GLIS3: variants seen among roughly 807,000 people sequenced by gnomAD.
GLIS3 encodes the protein zinc finger protein GLIS3.
GLIS3 carries 53 observed loss-of-function variants against 78.6 expected under a neutral mutation model. The observed-to-expected ratio is 0.67, with a 90% confidence interval of 0.54 to 0.85. The LOEUF (loss-of-function observed/expected upper bound fraction) is 0.85, where lower values mean the gene tolerates loss of function less well. Among genes scored for constraint, GLIS3 ranks in the 40% least tolerant of loss-of-function variants. The pLI, the probability that GLIS3 is intolerant of heterozygous loss-of-function variation, is 0.00. For synonymous variants in GLIS3, 684 were observed against 509.9 expected (o/e 1.34, Z -4.60); for missense variants, 1,703 against 1,231.1 (o/e 1.38, Z -5.74).
the GLIS3 span, among the ~76,000 whole-genome samples, chr9:4,394,951 T>C: frequency 2.0e-4 from 30 of 152,380 alleles, no homozygotes; most frequent in African/African-American, 7.2e-4. Flanking sequence ...GAAAATATAC[T>C]ATTATTTATG....
chr9:4,014,160 C>T (rs1822257386), intron 4 of GLIS3, among the ~76,000 whole-genome samples: 1 of 152,176 alleles, frequency 6.6e-6, no homozygotes, highest in African/African-American at 2.4e-5. Flanking sequence ...AAACCAATGG[C>T]TGGATTTGGC....
At chr9:4,189,087 T>C (rs927259207) in intron 2 of GLIS3, among the ~76,000 whole-genome samples, 11 of 151,840 alleles carry the variant, frequency 7.2e-5, no homozygotes, top group African/African-American at 2.4e-4. Context: ...AATTGTGATG[T>C]TAGGGTGTCA....
intron 8 of GLIS3, among the ~76,000 whole-genome samples, chr9:3,866,313 A>C (rs1820577469): frequency 6.6e-6 from 1 of 152,124 alleles, no homozygotes; most frequent in Non-Finnish European, 1.5e-5. Flanking sequence ...CAATGAAGGA[A>C]AATTAAAGCA....
intron 9 of GLIS3, among the ~76,000 whole-genome samples, chr9:3,854,474 T>A (rs1819628593): frequency 1.3e-5 from 2 of 151,936 alleles, no homozygotes; most frequent in Non-Finnish European, 2.9e-5. Context: ...CAAGGTCTCT[T>A]CCTTCCTACA....
At chr9:4,385,797 GAAA>G in the GLIS3 span, among the ~76,000 whole-genome samples, 23 of 73,338 alleles carry the variant, frequency 3.1e-4, 4 homozygotes, top group African/African-American at 2.8e-4. Flanking sequence ...AAGAAAGAAA[GAAA>G]GAAAGAAAGA....
chr9:4,297,744 G>C (rs1484697419), intron 1 of GLIS3, among the ~76,000 whole-genome samples: 1 of 152,166 alleles, frequency 6.6e-6, no homozygotes, highest in Non-Finnish European at 1.5e-5. Context: ...AACTAGCGTG[G>C]GGCTCAAGGA....
intron 4 of GLIS3, among the ~76,000 whole-genome samples, chr9:4,006,258 C>A (rs1821536623): frequency 7.9e-6 from 1 of 126,464 alleles, no homozygotes. Flanking sequence ...GCTCCTTTTA[C>A]AGATTATTCT....
In GLIS3 at chr9:3,898,698, G is replaced by T; in HGVS notation, c.2121C>A (p.Leu707=). 1.2e-6 allele frequency: 2 copies of T among 1,614,134 alleles called. No individual in the cohort carries two copies. The highest frequency in any genetic ancestry group is 1.7e-6 in the Non-Finnish European group (2 of 1,180,024). ...VGRSPGPGPD[L]YSAPIFSSNY... ...TGCCTTTGCTGTCTTTACCTGAATA[G>T]AGGTCAGGCCCGGGTCCAGGGGAGC... is the stretch of plus-strand genomic sequence containing the variant. The change falls in exon 7 of 11, where the codon CTC becomes CTA. Residue 707 remains leucine, a synonymous_variant. Coordinates refer to ENST00000381971, the MANE Select transcript of GLIS3 (RefSeq NM_001042413.2).
chr9:4,304,569 G>A (rs1817179703), upstream of GLIS3, among the ~76,000 whole-genome samples: 2 of 152,122 alleles, frequency 1.3e-5, no homozygotes, highest in South Asian at 4.1e-4. Context: ...AAATAATGGG[G>A]AGAAAAGGGA....
chr9:4,142,051 C>T lies in GLIS3; in HGVS notation c.389-16110G>A, dbSNP rs114641987. 3.8e-3 allele frequency among the ~76,000 whole-genome samples: 579 copies of T among 152,294 alleles called. 7 individuals are homozygous for T. Among genetic ancestry groups the T allele is most frequent in the African/African-American group, 0.013 (547 of 41,550 alleles). On this transcript the variant is annotated intron_variant, in intron 2 of 10. Coordinates refer to ENST00000381971, the MANE Select transcript of GLIS3 (RefSeq NM_001042413.2). ...GTACCAGCAATAACTCCCAACTAAT[C>T]ATATCTGAAATTAGGTCAAAAAATG... is the stretch of plus-strand genomic sequence containing the variant.
chr9:4,141,757 A>T (rs1304163198), intron 2 of GLIS3, among the ~76,000 whole-genome samples: 2 of 152,240 alleles, frequency 1.3e-5, no homozygotes, highest in African/African-American at 4.8e-5. Flanking sequence ...GGCTCAGAAA[A>T]TTTGTCATTG....
intron 4 of GLIS3, among the ~76,000 whole-genome samples, chr9:3,976,843 A>AAAAAAAAAAG (rs1818842174): frequency 8.9e-6 from 1 of 112,374 alleles, no homozygotes; most frequent in African/African-American, 3.5e-5. Context: ...AAAAAAAAAA[A>AAAAAAAAAAG]TCCACAATCG....
chr9:4,248,359 T>C (rs1824008390), intron 2 of GLIS3, among the ~76,000 whole-genome samples: 1 of 152,176 alleles, frequency 6.6e-6, no homozygotes, highest in Non-Finnish European at 1.5e-5. Context: ...TTTTCCTGTG[T>C]TGATTTGCTG....
chr9:3,903,389 G>A (rs916110326), intron 6 of GLIS3, among the ~76,000 whole-genome samples: 7 of 152,288 alleles, frequency 4.6e-5, no homozygotes, highest in East Asian at 3.9e-4. Context: ...TGCTCTTTGC[G>A]GAGAAAAGTG....
rs1030728211 is a variant in GLIS3, at chr9:4,248,316, C to G, written c.388+37722G>C. On this transcript the variant is annotated intron_variant, in intron 2 of 10. Coordinates refer to ENST00000381971, the MANE Select transcript of GLIS3 (RefSeq NM_001042413.2). ...CTGTGTTCTCATTGTTCAACTCCCA[C>G]TTAGGAGTGACAACATGTGGTATTG... Among the ~76,000 whole-genome samples the G allele has an allele frequency of 6.6e-5, 10 of 152,238 alleles. No individual in the cohort carries two copies. The South Asian group carries it at 2.1e-3, about 32-fold the overall frequency.
chr9:3,861,689 A>G (rs1820224117), intron 8 of GLIS3, among the ~76,000 whole-genome samples: 1 of 152,226 alleles, frequency 6.6e-6, no homozygotes, highest in Non-Finnish European at 1.5e-5. Context: ...GCAGGAACAT[A>G]AAACCAAACA....
At chr9:3,894,586 T>C (rs1351905204) in intron 7 of GLIS3, among the ~76,000 whole-genome samples, 2 of 152,140 alleles carry the variant, frequency 1.3e-5, no homozygotes, top group Non-Finnish European at 2.9e-5. Context: ...AGTAATGATA[T>C]TGTAAGAGAG....
intron 2 of GLIS3, among the ~76,000 whole-genome samples, chr9:4,326,272 C>A (rs1817597943): frequency 6.6e-6 from 1 of 152,192 alleles, no homozygotes; most frequent in Admixed American, 6.5e-5. Flanking sequence ...ACAGCAGCAT[C>A]ATTCACAACA....
At chr9:4,027,191 C>T (rs1173927964) in intron 4 of GLIS3, among the ~76,000 whole-genome samples, 1 of 152,192 alleles carries the variant, frequency 6.6e-6, no homozygotes, top group Non-Finnish European at 1.5e-5. Context: ...AGCAACCTGG[C>T]TAAAAGTACA....
Sources: allele counts gnomAD v4.1 joint callset (sites outside exome capture counted in the v4.1 genomes callset), GRCh38; gene constraint gnomAD v4.1.1; transcripts MANE v1.5; gene names NCBI Gene and HGNC (gene_info 2026-07-23, HGNC 2026-07-21).